Variants in PPIE observed in about 807,000 individuals in gnomAD.
The protein encoded by PPIE is peptidyl-prolyl cis-trans isomerase E.
Under a neutral mutation model 38.4 loss-of-function variants are expected in PPIE, and 20 were observed. The ratio of observed to expected loss-of-function variants is 0.52; its 90% CI spans 0.37 to 0.76. The LOEUF (loss-of-function observed/expected upper bound fraction) is 0.76, where lower values mean the gene tolerates loss of function less well. PPIE is among the 30% of genes least tolerant of loss of function. The pLI is 0.00. For synonymous variants in PPIE, 142 were observed against 135.7 expected (o/e 1.05, Z -0.32); for missense variants, 322 against 385.8 (o/e 0.83, Z 1.39).
intron 9 of PPIE, 117 bp from the exon 10 acceptor site, chr1:39,753,170 G>A (rs1569710062): frequency 6.3e-7 from 1 of 1,585,536 alleles, no homozygotes; most frequent in Non-Finnish European, 8.6e-7. Flanking sequence ...CCAGCGGGAG[G>A]GGCTGCTGCT....
At chr1:39,750,749 C>T (rs1484271473) in intron 8 of PPIE, among the ~76,000 whole-genome samples, 1 of 152,186 alleles carries the variant, frequency 6.6e-6, no homozygotes, top group African/African-American at 2.4e-5. Context: ...TCCTTCTTTT[C>T]CTGACCCTTA....
intron 8 of PPIE, 130 bp downstream of exon 8, chr1:39,749,218 A>G (rs2124345094): frequency 1.1e-6 from 1 of 943,092 alleles, no homozygotes; most frequent in Non-Finnish European, 1.6e-6. Flanking sequence ...GCCACCAGAC[A>G]TAGGAGAACC....
downstream of PPIE, chr1:39,760,170 G>A (rs937694919): frequency 6.4e-6 from 4 of 620,578 alleles, no homozygotes; most frequent in African/African-American, 7.4e-5. Flanking sequence ...AGAGGCGTTT[G>A]CATTTGGGTA....
downstream of PPIE, chr1:39,760,000 A>T (rs1216599789): frequency 1.8e-5 from 4 of 222,826 alleles, no homozygotes; most frequent in South Asian, 7.4e-5. Flanking sequence ...ACACCCTGTG[A>T]TGGATGGTGA....
chr1:39,759,099 G>C (rs1648605856), downstream of PPIE: 1 of 152,284 alleles, frequency 6.6e-6, no homozygotes. Flanking sequence ...TACAGGCTTA[G>C]CAAGTCAGAA....
intron 2 of PPIE, 149 bp downstream of exon 2, chr1:39,740,412 C>T (rs1052883255): frequency 9.8e-6 from 6 of 614,830 alleles, no homozygotes; most frequent in African/African-American, 3.8e-5. Context: ...ACAGTGATCT[C>T]GATGGAGAAG....
downstream of PPIE, chr1:39,760,386 A>G: frequency 6.2e-7 from 1 of 1,611,656 alleles, no homozygotes. Flanking sequence ...TCCAGATGAG[A>G]AGGGTGGCTG....
chr1:39,739,218 G>C (rs1487813260), intron 1 of PPIE: 3 of 379,534 alleles, frequency 7.9e-6, no homozygotes, highest in Non-Finnish European at 9.3e-6. Context: ...TGCCCCCAAG[G>C]TTCAGGTTAT....
chr1:39,742,068 G>C, intron 4 of PPIE, 147 bp downstream of exon 4: 1 of 764,948 alleles, frequency 1.3e-6, no homozygotes, highest in Non-Finnish European at 2.2e-6. Context: ...ACTGTGAATT[G>C]ATCACTTATA....
chr1:39,762,975 A>G, intron 9 of PPIE: 1 of 1,304,460 alleles, frequency 7.7e-7, no homozygotes, highest in Non-Finnish European at 1.1e-6. Context: ...CTGTGCAGAC[A>G]AAGCCCCCTG....
intron 4 of PPIE, 191 bp downstream of exon 4, chr1:39,742,112 C>T: frequency 1.7e-6 from 1 of 595,530 alleles, no homozygotes; most frequent in Non-Finnish European, 3.0e-6. Context: ...TTCGCCATTT[C>T]AGAATAATGT....
chr1:39,740,415 T>C, intron 2 of PPIE, 152 bp downstream of exon 2: 1 of 619,288 alleles, frequency 1.6e-6, no homozygotes, highest in African/African-American at 1.9e-5. Context: ...GTGATCTCGA[T>C]GGAGAAGGAA....
At chr1:39,746,004 CT>C (rs1438961513) in intron 7 of PPIE, 1 of 152,800 alleles carries the variant, frequency 6.5e-6, no homozygotes, top group African/African-American at 2.4e-5. Flanking sequence ...CTGTGCCCTG[CT>C]GCCAACACCA....
rs932253412 is a variant in PPIE, at chr1:39,753,890, A to G, written c.*535A>G. 1.4e-5 allele frequency: 14 copies of G among 985,234 alleles called. No individual in the cohort carries two copies. The African/African-American group carries it at 2.4e-4, about 17-fold the overall frequency. 61.0% of individuals were successfully genotyped at this position (985,234 alleles called of 1,614,324 possible). A position where few individuals can be genotyped will look rare whatever the true frequency, so the allele number is the denominator to read the frequency against. On this transcript the variant is annotated 3_prime_UTR_variant, in exon 10 of 10. Coordinates refer to ENST00000324379, the MANE Select transcript of PPIE (RefSeq NM_006112.4). Reference sequence around the variant, plus strand: ...CCAGGCATCGATGTCAGGGCAACGGAAATTAAAGACTGGAAAGCTCCGGTC... The same window carrying G: ...CCAGGCATCGATGTCAGGGCAACGGGAATTAAAGACTGGAAAGCTCCGGTC...
In PPIE at chr1:39,756,069, A is replaced by G; in HGVS notation, c.*2714A>G. On this transcript the variant is annotated 3_prime_UTR_variant, in exon 10 of 10. Coordinates refer to ENST00000324379, the MANE Select transcript of PPIE (RefSeq NM_006112.4). ...ACAGGAGACAAGACCCTGCTCTTCCAGGCCAGAAGGGAGGGGAGCCCCAGA... is the reference window on the plus strand; with the variant it reads ...ACAGGAGACAAGACCCTGCTCTTCCGGGCCAGAAGGGAGGGGAGCCCCAGA... 2 of 985,422 alleles carry G rather than the reference A, an allele frequency of 2.0e-6. No individual in the cohort carries two copies. Among genetic ancestry groups the G allele is most frequent in the South Asian group, 9.4e-5 (2 of 21,292 alleles). The allele number at this position is 985,422 out of a possible 1,614,324, so 61.0% of individuals were successfully genotyped here.
chr1:39,753,131 G>A, intron 9 of PPIE, 79 bp downstream of exon 9: 2 of 1,599,658 alleles, frequency 1.3e-6, no homozygotes, highest in Admixed American at 3.5e-5. Flanking sequence ...GAGTCTCTGT[G>A]GCCTGAGAGA....
At position 39,753,053 on chromosome 1, in the gene PPIE, G is replaced by T. The variant is rs376369820; in HGVS notation, c.837+1G>T. 2 of 1,614,028 alleles carry T rather than the reference G, an allele frequency of 1.2e-6. No individual in the cohort carries two copies. The highest frequency in any genetic ancestry group is 1.3e-5 in the African/African-American group (1 of 74,936). On this transcript the variant is annotated splice_donor_variant, in intron 9 of 9. Transcript: ENST00000324379. LOFTEE classifies it high-confidence loss of function. ...CCTAGATGTCTTGCGGCAAATTGAGGTATGTGGCCAGGAATGGGCCTCCTC... is the reference window on the plus strand; with the variant it reads ...CCTAGATGTCTTGCGGCAAATTGAGTTATGTGGCCAGGAATGGGCCTCCTC...
exon 10 of PPIE, chr1:39,763,893 A>G (rs890191670): frequency 1.5e-6 from 2 of 1,305,986 alleles, no homozygotes; most frequent in African/African-American, 1.6e-5. Flanking sequence ...CATTTGTCAA[A>G]TAAATGAATG....
At chr1:39,744,613 G>C (rs1446838135) in intron 6 of PPIE, among the ~76,000 whole-genome samples, 7 of 152,126 alleles carry the variant, frequency 4.6e-5, no homozygotes, top group Admixed American at 4.6e-4. Flanking sequence ...CTGAGCTTCA[G>C]ATATTTCTGC....
Sources: gnomAD v4.1 joint callset for allele counts (sites outside exome capture counted in the v4.1 genomes callset) on GRCh38, gnomAD v4.1.1 for gene constraint, MANE v1.5 for transcripts, NCBI Gene and HGNC (gene_info 2026-07-23, HGNC 2026-07-21) for gene names.